Variants in TRIM24 observed in about 807,000 individuals in gnomAD.
TRIM24 encodes the protein tripartite motif containing 24.
In TRIM24, 29 loss-of-function variants were observed where a neutral mutation model predicts 123.9. The observed-to-expected ratio is 0.23, with a 90% confidence interval of 0.17 to 0.32. The LOEUF is 0.32. Among genes scored for constraint, TRIM24 ranks in the 10% least tolerant of loss-of-function variants. TRIM24 has a pLI of 1.00. For synonymous variants in TRIM24, 456 were observed against 461.1 expected, an observed-to-expected ratio of 0.99 and a Z score of 0.14; for missense variants, 932 against 1,295.3, an observed-to-expected ratio of 0.72 and a Z score of 4.31.
chr7:138,551,994 C>CA (rs781486847), intron 8 of TRIM24, among the ~76,000 whole-genome samples: 1 of 151,968 alleles, frequency 6.6e-6, no homozygotes, highest in Non-Finnish European at 1.5e-5. Flanking sequence ...AATGATATCT[C>CA]AATCAGTTAA....
chr7:138,524,068 A>T (rs929271599), intron 4 of TRIM24, among the ~76,000 whole-genome samples: 3 of 152,210 alleles, frequency 2.0e-5, no homozygotes, highest in South Asian at 2.1e-4. Context: ...TTCATTTAAC[A>T]TGCCAAAATC....
Position 138,589,743 on chromosome 7 carries a change from T to TG in TRIM24, c.*4796dup, listed in dbSNP as rs1798074240. ...TGGGGAAGGGGGGAAAGACACAGAG[T>TG]GGGGACCTTTGGAAGTCATTTTAAA... On this transcript the variant is annotated 3_prime_UTR_variant, in exon 19 of 19. Coordinates refer to ENST00000343526, the MANE Select transcript of TRIM24 (RefSeq NM_015905.3). 1 of 152,122 alleles carries TG rather than the reference T, an allele frequency of 6.6e-6. No individual in the cohort carries two copies. Among genetic ancestry groups the TG allele is most frequent in the Non-Finnish European group, 1.5e-5 (1 of 68,012 alleles). 9.4% of individuals were successfully genotyped at this position (152,122 alleles called of 1,614,324 possible). A position where few individuals can be genotyped will look rare whatever the true frequency, so the allele number is the denominator to read the frequency against.
intron 12 of TRIM24, among the ~76,000 whole-genome samples, chr7:138,575,821 T>TTTTG (rs1207114048): frequency 6.6e-6 from 1 of 150,808 alleles, no homozygotes; most frequent in Non-Finnish European, 1.5e-5. Flanking sequence ...AGAATCCCTC[T>TTTTG]TTTGTTTATT....
At position 138,567,537 on chromosome 7, in the gene TRIM24, A is replaced by G; in HGVS notation, c.1587A>G (p.Pro529=). 1 of 1,614,062 alleles carries G rather than the reference A, an allele frequency of 6.2e-7. No homozygotes were observed. The highest frequency in any genetic ancestry group is 8.5e-7 in the Non-Finnish European group (1 of 1,179,974). The part of the protein sequence containing the change: ...FQNHSPKPNG[P]VLPPHPQQLR... Reference sequence around the variant, plus strand: ...ATCACAGCCCCAAACCCAATGGACCAGTTCTTCCTCCTCATCCTCAACAAC... The same window carrying G: ...ATCACAGCCCCAAACCCAATGGACCGGTTCTTCCTCCTCATCCTCAACAAC... The change falls in exon 10 of 19, where the codon CCA becomes CCG. Residue 529 remains proline (P), a synonymous_variant. Coordinates refer to ENST00000343526, the MANE Select transcript of TRIM24 (RefSeq NM_015905.3).
intron 1 of TRIM24, among the ~76,000 whole-genome samples, chr7:138,489,887 A>G (rs1046189053): frequency 1.3e-5 from 2 of 151,990 alleles, no homozygotes; most frequent in Non-Finnish European, 1.5e-5. Flanking sequence ...CCTGAATTTG[A>G]ACGTTGGCCT....
intron 6 of TRIM24, among the ~76,000 whole-genome samples, chr7:138,534,935 C>T (rs922393385): frequency 2.6e-5 from 4 of 152,154 alleles, no homozygotes; most frequent in African/African-American, 9.7e-5. Flanking sequence ...TTAGTTAGCT[C>T]TTCTTGTTGA....
chr7:138,468,262 A>G (rs1055239632), intron 1 of TRIM24, among the ~76,000 whole-genome samples: 2 of 152,094 alleles, frequency 1.3e-5, no homozygotes, highest in African/African-American at 2.4e-5. Flanking sequence ...TGGTCATGCA[A>G]TTTGTCTCCT....
At chr7:138,528,795 A>T (rs1395969123) in intron 5 of TRIM24, among the ~76,000 whole-genome samples, 2 of 54,382 alleles carry the variant, frequency 3.7e-5, no homozygotes, top group Non-Finnish European at 3.2e-5. Flanking sequence ...CCCCCCCCCC[A>T]TCCTTTTAGG....
chr7:138,510,642 G>A (rs1342791963), intron 2 of TRIM24, among the ~76,000 whole-genome samples: 1 of 152,050 alleles, frequency 6.6e-6, no homozygotes, highest in Non-Finnish European at 1.5e-5. Context: ...GGCTGGTCTC[G>A]AACTCCTGAG....
chr7:138,529,732 A>C (rs1477796703), intron 6 of TRIM24, among the ~76,000 whole-genome samples: 2 of 152,218 alleles, frequency 1.3e-5, no homozygotes, highest in Admixed American at 1.3e-4. Context: ...GTTGTTTCTC[A>C]CTGCAGGTAA....
chr7:138,502,127 A>G (rs1353416300), intron 1 of TRIM24, among the ~76,000 whole-genome samples: 1 of 152,220 alleles, frequency 6.6e-6, no homozygotes, highest in Non-Finnish European at 1.5e-5. Context: ...CTTAGAGGTC[A>G]TACTTTGAGG....
At chr7:138,579,082 C>G (rs973881127) in intron 14 of TRIM24, 122 bp from the exon 15 acceptor site, 7 of 721,162 alleles carry the variant, frequency 9.7e-6, no homozygotes, top group Non-Finnish European at 1.6e-5. Context: ...AACATATACC[C>G]TTCTCCTGAA....
chr7:138,490,248 C>T lies in TRIM24; in HGVS notation c.365-14042C>T, dbSNP rs550861343. Among the ~76,000 whole-genome samples the T allele has an allele frequency of 1.2e-3, 187 of 152,196 alleles. 1 individual carries two copies. Among genetic ancestry groups the T allele is most frequent in the South Asian group, 0.011 (52 of 4,810 alleles). ...ACACTGTTTATGCTCGTTAGCCATT[C>T]GTCTAATCTTTTTTCAAGGTTTTTA... On this transcript the variant is annotated intron_variant, in intron 1 of 18. Transcript: ENST00000343526.
chr7:138,558,203 G>C (rs1584737897), intron 9 of TRIM24, among the ~76,000 whole-genome samples: 2 of 152,098 alleles, frequency 1.3e-5, no homozygotes, highest in African/African-American at 4.8e-5. Flanking sequence ...GATGTAAAGA[G>C]GGGAAACAGG....
At chr7:138,498,320 G>T (rs1795960555) in intron 1 of TRIM24, among the ~76,000 whole-genome samples, 1 of 152,138 alleles carries the variant, frequency 6.6e-6, no homozygotes, top group Non-Finnish European at 1.5e-5. Context: ...TCCCTCCTGG[G>T]TTCAAGCCAT....
intron 6 of TRIM24, among the ~76,000 whole-genome samples, chr7:138,531,577 A>G (rs995894099): frequency 6.6e-6 from 1 of 152,146 alleles, no homozygotes; most frequent in African/African-American, 2.4e-5. Context: ...ATAGTATTCC[A>G]TGGTGTATAT....
At chr7:138,572,986 T>C (rs1377668161) in intron 11 of TRIM24, among the ~76,000 whole-genome samples, 1 of 152,238 alleles carries the variant, frequency 6.6e-6, no homozygotes, top group African/African-American at 2.4e-5. Context: ...ATGGACTTCG[T>C]CTATTTAGCA....
At chr7:138,565,046 T>C (rs1287023287) in intron 9 of TRIM24, among the ~76,000 whole-genome samples, 3 of 152,154 alleles carry the variant, frequency 2.0e-5, no homozygotes, top group African/African-American at 4.8e-5. Flanking sequence ...CTAAGCCATA[T>C]GTGGAACACT....
intron 10 of TRIM24, among the ~76,000 whole-genome samples, chr7:138,568,576 A>G (rs1012551065): frequency 1.3e-5 from 2 of 151,262 alleles, no homozygotes; most frequent in African/African-American, 4.9e-5. Context: ...TAGTAGAGAC[A>G]GGGTTTCACC....
Sources: allele counts gnomAD v4.1 joint callset (sites outside exome capture counted in the v4.1 genomes callset), GRCh38; gene constraint gnomAD v4.1.1; transcripts MANE v1.5; gene names NCBI Gene and HGNC (gene_info 2026-07-23, HGNC 2026-07-21).